The following CLDN14 variants were observed in gnomAD, a reference collection of about 807,000 sequenced individuals.
CLDN14 encodes the protein claudin 14, also known as claudin-14.
In CLDN14, 2 loss-of-function variants were observed where a neutral mutation model predicts 2.1. That is an observed-to-expected ratio of 0.96 (90% CI 0.39 to 3.01). The LOEUF (loss-of-function observed/expected upper bound fraction) is 3.01, where lower values mean the gene tolerates loss of function less well. Among genes scored for constraint, CLDN14 ranks in the 30% most tolerant of loss-of-function variants. The probability of loss-of-function intolerance (pLI) is 0.09; values close to 1 mark genes in which losing one functional copy is unlikely to be tolerated. For synonymous variants in CLDN14, 136 were observed against 154.4 expected, an observed-to-expected ratio of 0.88 and a Z score of 0.88; for missense variants, 298 against 328.0, an observed-to-expected ratio of 0.91 and a Z score of 0.71.
chr21:36,552,412 G>C (rs182182540), intron 1 of CLDN14, among the ~76,000 whole-genome samples: 1 of 152,136 alleles, frequency 6.6e-6, no homozygotes, highest in Non-Finnish European at 1.5e-5. Context: ...CATGTTGAGC[G>C]GGCACACTTA....
At chr21:36,555,926 G>A (rs1290871746) in intron 1 of CLDN14, among the ~76,000 whole-genome samples, 7 of 151,716 alleles carry the variant, frequency 4.6e-5, no homozygotes, top group Admixed American at 3.3e-4. Flanking sequence ...GATTTTGGCC[G>A]CACTTCTCTA....
intron 1 of CLDN14, among the ~76,000 whole-genome samples, chr21:36,526,935 A>G (rs956927031): frequency 6.6e-6 from 1 of 152,186 alleles, no homozygotes. Context: ...GAATGGCAAA[A>G]TCTCAGCTCT....
chr21:36,530,180 G>A (rs2087368154), intron 1 of CLDN14, among the ~76,000 whole-genome samples: 1 of 152,162 alleles, frequency 6.6e-6, no homozygotes, highest in Non-Finnish European at 1.5e-5. Context: ...TTTTTAACAA[G>A]GGTAGAAGCA....
chr21:36,571,218 G>C (rs1227922683), intron 1 of CLDN14, among the ~76,000 whole-genome samples: 2 of 152,184 alleles, frequency 1.3e-5, no homozygotes, highest in African/African-American at 4.8e-5. Flanking sequence ...GATATTACTG[G>C]CTTAGATTAG....
intron 1 of CLDN14, among the ~76,000 whole-genome samples, chr21:36,561,744 G>A (rs2087636533): frequency 6.6e-6 from 1 of 152,154 alleles, no homozygotes; most frequent in African/African-American, 2.4e-5. Flanking sequence ...CAGGAGAGGT[G>A]TATTAAGACC....
intron 1 of CLDN14, among the ~76,000 whole-genome samples, chr21:36,468,409 T>C (rs1339785981): frequency 6.6e-6 from 1 of 152,068 alleles, no homozygotes; most frequent in Non-Finnish European, 1.5e-5. Flanking sequence ...AAACCCCGTC[T>C]CTACTAAAAA....
intron 2 of CLDN14, among the ~76,000 whole-genome samples, chr21:36,490,427 C>T (rs1369955120): frequency 3.2e-5 from 4 of 126,594 alleles, no homozygotes; most frequent in Non-Finnish European, 6.3e-5. Flanking sequence ...CTCACTCTGT[C>T]ACCCAGGCTG....
intron 1 of CLDN14, chr21:36,576,282 C>G (rs547507384): frequency 6.6e-6 from 1 of 152,226 alleles, no homozygotes; most frequent in Non-Finnish European, 1.5e-5. Context: ...TTTCCTTGAA[C>G]TCCTTGCCCA....
In CLDN14 at chr21:36,531,144, T is replaced by A. The variant is rs545347752; in HGVS notation, c.-219-20644A>T. On this transcript the variant is annotated intron_variant, in intron 1 of 2. Transcript: ENST00000342108. ...TCAGGAGGCCGAGGCAGGAGAATACTTTGAACCCCGGAGGTGGAGGTTGCG... is the reference window on the plus strand; with the variant it reads ...TCAGGAGGCCGAGGCAGGAGAATACATTGAACCCCGGAGGTGGAGGTTGCG... Among the ~76,000 whole-genome samples the A allele has an allele frequency of 5.3e-5, 8 of 152,094 alleles. No individual in the cohort carries two copies. In the East Asian group the frequency reaches 1.4e-3, roughly 26 times the overall value.
In CLDN14 at chr21:36,575,563, C is replaced by CA. The variant is rs376636884; in HGVS notation, c.-220+847dup. On this transcript the variant is annotated intron_variant, in intron 1 of 2. Coordinates refer to the CLDN14 transcript ENST00000342108. ...TCACTAATGCTTTAGCCAAAGGGAA[C>CA]AAAAAAAACCACAAGCAAGTGCCAC... Among the ~76,000 whole-genome samples, 953 of 151,850 alleles carry CA rather than the reference C, an allele frequency of 6.3e-3. 10 individuals are homozygous for CA. Among genetic ancestry groups the CA allele is most frequent in the African/African-American group, 0.022 (912 of 41,398 alleles).
At chr21:36,515,688 A>T (rs1039345277) in intron 1 of CLDN14, among the ~76,000 whole-genome samples, 2 of 151,506 alleles carry the variant, frequency 1.3e-5, no homozygotes, top group Admixed American at 6.6e-5. Context: ...AAAAAAAAAA[A>T]ATTTCTACTT....
chr21:36,570,616 CAT>C (rs35843815), intron 1 of CLDN14, among the ~76,000 whole-genome samples: 79,169 of 151,802 alleles, frequency 0.52, 21,878 homozygotes, highest in Non-Finnish European at 0.62. Context: ...GAATTATGGA[CAT>C]ATATATATTA....
chr21:36,486,170 G>A (rs763817417), intron 2 of CLDN14: 124 of 1,175,224 alleles, frequency 1.1e-4, no homozygotes, highest in East Asian at 9.4e-5. Context: ...TGGCTGGCAA[G>A]TGTCCATGGC....
chr21:36,553,927 C>CAT (rs2087580244), intron 1 of CLDN14, among the ~76,000 whole-genome samples: 1 of 152,146 alleles, frequency 6.6e-6, no homozygotes, highest in South Asian at 2.1e-4. Flanking sequence ...TGTCATCGTG[C>CAT]ATATCATTGG....
chr21:36,562,004 T>C (rs1299530095), intron 1 of CLDN14, among the ~76,000 whole-genome samples: 1 of 33,374 alleles, frequency 3.0e-5, no homozygotes, highest in Non-Finnish European at 1.2e-4. Context: ...TAACAGAAGT[T>C]GAAAATGAAT....
chr21:36,513,620 T>A (rs922054429), intron 1 of CLDN14, among the ~76,000 whole-genome samples: 1 of 152,146 alleles, frequency 6.6e-6, no homozygotes, highest in African/African-American at 2.4e-5. Flanking sequence ...GAAGTTTGAG[T>A]CCTCAGGGAC....
At chr21:36,492,643 G>GA (rs545299912) in intron 2 of CLDN14, among the ~76,000 whole-genome samples, 1 of 151,514 alleles carries the variant, frequency 6.6e-6, no homozygotes, top group African/African-American at 2.4e-5. Flanking sequence ...AAAACAAAAC[G>GA]AAAAAAAGGT....
At chr21:36,465,189 G>T (rs2086629742) in intron 1 of CLDN14, among the ~76,000 whole-genome samples, 2 of 152,204 alleles carry the variant, frequency 1.3e-5, no homozygotes, top group South Asian at 2.1e-4. Flanking sequence ...AAGGCTGACG[G>T]CCACACAGGG....
chr21:36,494,640 G>A (rs1459275899), intron 2 of CLDN14, among the ~76,000 whole-genome samples: 3 of 152,170 alleles, frequency 2.0e-5, no homozygotes, highest in African/African-American at 7.2e-5. Context: ...AATCTGACTG[G>A]TGTCCTCCCA....
Sources: gnomAD v4.1 joint callset for allele counts (sites outside exome capture counted in the v4.1 genomes callset) on GRCh38, gnomAD v4.1.1 for gene constraint, MANE v1.5 for transcripts, NCBI Gene and HGNC (gene_info 2026-07-23, HGNC 2026-07-21) for gene names.